RALYL: variants seen among roughly 807,000 people sequenced by gnomAD.
RALYL encodes RALY RNA binding protein like.
RALYL carries 29 observed loss-of-function variants against 35.1 expected under a neutral mutation model. The ratio of observed to expected loss-of-function variants is 0.83; its 90% CI spans 0.61 to 1.13. RALYL has a LOEUF of 1.13. RALYL is among the 50% of genes most tolerant of loss of function. The probability of loss-of-function intolerance (pLI) is 0.00; values close to 1 mark genes in which losing one functional copy is unlikely to be tolerated. For synonymous variants in RALYL, 120 were observed against 127.6 expected (o/e 0.94, Z 0.40); for missense variants, 359 against 360.4 (o/e 1.00, Z 0.03).
intron 2 of RALYL, among the ~76,000 whole-genome samples, chr8:84,770,192 C>G (rs754149701): frequency 5.3e-5 from 8 of 152,084 alleles, no homozygotes; most frequent in Non-Finnish European, 1.2e-4. Flanking sequence ...TTACCCTTCA[C>G]CCCCTCCCAC....
intron 1 of RALYL, among the ~76,000 whole-genome samples, chr8:84,452,505 C>T (rs1247305985): frequency 1.3e-5 from 2 of 151,626 alleles, no homozygotes; most frequent in Non-Finnish European, 2.9e-5. Context: ...TTTTTTGGTT[C>T]TCATCTCACT....
intron 2 of RALYL, among the ~76,000 whole-genome samples, chr8:84,595,608 A>T (rs187271156): frequency 8.5e-4 from 130 of 152,204 alleles, no homozygotes; most frequent in East Asian, 3.9e-3. Flanking sequence ...GTTAAACAAA[A>T]TGTTTGAAAC....
At chr8:84,289,512 T>G (rs193266223) in intron 1 of RALYL, among the ~76,000 whole-genome samples, 25 of 152,268 alleles carry the variant, frequency 1.6e-4, no homozygotes, top group Admixed American at 1.4e-3. Flanking sequence ...CCAGTTGATT[T>G]GTATTGGGAA....
rs535988294 is a variant in RALYL at position 84,657,676 on chromosome 8, A to G, written c.257-116903A>G. ...AAAGAACACTCTAATAGAAGTGCAAAGAGGCCACTTGAGGAAGTCTTCTCT... is the reference window on the plus strand; with the variant it reads ...AAAGAACACTCTAATAGAAGTGCAAGGAGGCCACTTGAGGAAGTCTTCTCT... On this transcript the variant is annotated intron_variant, in intron 2 of 8. Transcript: ENST00000521268. Among the ~76,000 whole-genome samples the G allele has an allele frequency of 3.3e-5, 5 of 152,326 alleles. No individual in the cohort carries two copies. The East Asian group carries it at 9.7e-4, about 29-fold the overall frequency.
At chr8:84,775,126 T>C (rs1816530280) in intron 3 of RALYL, among the ~76,000 whole-genome samples, 1 of 151,842 alleles carries the variant, frequency 6.6e-6, no homozygotes, top group African/African-American at 2.4e-5. Context: ...TCATTATTAT[T>C]ATTATTTTTA....
intron 1 of RALYL, among the ~76,000 whole-genome samples, chr8:84,266,165 C>T (rs1360205967): frequency 5.3e-5 from 8 of 152,096 alleles, no homozygotes; most frequent in Admixed American, 2.6e-4. Context: ...ACCTAGCCAA[C>T]TTGGCTCCTT....
At chr8:84,441,778 A>G (rs1019675661) in intron 1 of RALYL, among the ~76,000 whole-genome samples, 15 of 152,246 alleles carry the variant, frequency 9.9e-5, no homozygotes, top group African/African-American at 3.4e-4. Flanking sequence ...TAGCTTATCT[A>G]AATTCAAAAT....
intron 2 of RALYL, among the ~76,000 whole-genome samples, chr8:84,762,803 A>G (rs914653391): frequency 3.9e-5 from 6 of 152,334 alleles, no homozygotes; most frequent in African/African-American, 1.4e-4. Flanking sequence ...ATGAAATGAC[A>G]TACAAATGTT....
chr8:84,684,261 G>A (rs1284507890), intron 2 of RALYL, among the ~76,000 whole-genome samples: 5 of 152,218 alleles, frequency 3.3e-5, no homozygotes, highest in South Asian at 2.1e-4. Context: ...TACTGAATAC[G>A]TGATACTTGT....
intron 2 of RALYL, among the ~76,000 whole-genome samples, chr8:84,618,300 C>G (rs1256037054): frequency 6.6e-6 from 1 of 151,896 alleles, no homozygotes; most frequent in Non-Finnish European, 1.5e-5. Context: ...AGAGATTCAA[C>G]TTCTTCCTGG....
chr8:84,729,519 G>T (rs1728628303), intron 2 of RALYL, among the ~76,000 whole-genome samples: 1 of 151,886 alleles, frequency 6.6e-6, no homozygotes, highest in Non-Finnish European at 1.5e-5. Context: ...CAGAAGGCAA[G>T]AAATAACTAA....
chr8:84,764,326 G>A (rs937216152), intron 2 of RALYL, among the ~76,000 whole-genome samples: 3 of 152,054 alleles, frequency 2.0e-5, no homozygotes, highest in African/African-American at 4.8e-5. Context: ...GCATGGCACC[G>A]GGCATATGTT....
chr8:84,867,578 G>C (rs1000979315), intron 6 of RALYL, among the ~76,000 whole-genome samples: 1 of 152,160 alleles, frequency 6.6e-6, no homozygotes, highest in Admixed American at 6.5e-5. Flanking sequence ...CTACACTCCA[G>C]GGTCTAAAAG....
intron 2 of RALYL, among the ~76,000 whole-genome samples, chr8:84,670,120 GA>G (rs535043658): frequency 6.8e-4 from 98 of 143,894 alleles, no homozygotes; most frequent in East Asian, 5.2e-3. Context: ...ATTTCCTGCT[GA>G]AAAAAAAAAA....
chr8:84,879,705 C>T (rs1464702611), intron 7 of RALYL, among the ~76,000 whole-genome samples: 1 of 151,986 alleles, frequency 6.6e-6, no homozygotes, highest in East Asian at 1.9e-4. Context: ...TTTTCCATAG[C>T]AAGCTTGTAG....
At chr8:84,878,985 C>G (rs1563797286) in intron 7 of RALYL, among the ~76,000 whole-genome samples, 1 of 150,176 alleles carries the variant, frequency 6.7e-6, no homozygotes, top group African/African-American at 2.5e-5. Flanking sequence ...TTAATATGCC[C>G]TTTCTCTGAA....
chr8:84,285,421 C>A (rs1837406502), intron 1 of RALYL, among the ~76,000 whole-genome samples: 1 of 152,050 alleles, frequency 6.6e-6, no homozygotes, highest in South Asian at 2.1e-4. Context: ...ATATGCACAT[C>A]TTCCAATTTT....
chr8:84,196,707 C>CA (rs1815379483), intron 1 of RALYL, among the ~76,000 whole-genome samples: 1 of 152,118 alleles, frequency 6.6e-6, no homozygotes, highest in African/African-American at 2.4e-5. Context: ...CTCCTTTTGG[C>CA]ATTTGTTCCT....
chr8:84,771,110 A>G (rs1338044162), intron 2 of RALYL, among the ~76,000 whole-genome samples: 1 of 152,100 alleles, frequency 6.6e-6, no homozygotes, highest in Non-Finnish European at 1.5e-5. Flanking sequence ...TTAAATTTAC[A>G]TGAAAGAATT....
Sources: allele counts gnomAD v4.1 joint callset (sites outside exome capture counted in the v4.1 genomes callset), GRCh38; gene constraint gnomAD v4.1.1; transcripts MANE v1.5; gene names NCBI Gene and HGNC (gene_info 2026-07-23, HGNC 2026-07-21).